ADGRG5: variants seen among roughly 807,000 people sequenced by gnomAD.
ADGRG5 encodes the protein G protein-coupled receptor 114.
ADGRG5 carries 37 observed loss-of-function variants against 53.2 expected under a neutral mutation model. The ratio of observed to expected loss-of-function variants is 0.70; its 90% CI spans 0.53 to 0.91. ADGRG5 has a LOEUF of 0.91. Ranked by LOEUF, ADGRG5 falls within the 40% of genes least tolerant of loss-of-function variation. The pLI, the probability that ADGRG5 is intolerant of heterozygous loss-of-function variation, is 0.00. For synonymous variants in ADGRG5, 277 were observed against 290.4 expected, an observed-to-expected ratio of 0.95 and a Z score of 0.47; for missense variants, 614 against 675.8, an observed-to-expected ratio of 0.91 and a Z score of 1.01.
the ADGRG5 span, among the ~76,000 whole-genome samples, chr16:57,533,579 G>A: frequency 1.4e-5 from 2 of 147,348 alleles, no homozygotes; most frequent in African/African-American, 5.1e-5. Context: ...CACAGCCCCA[G>A]TAACGCGCAC....
the ADGRG5 span, among the ~76,000 whole-genome samples, chr16:57,537,356 T>TG: frequency 6.6e-6 from 1 of 152,158 alleles, no homozygotes; most frequent in Non-Finnish European, 1.5e-5. Flanking sequence ...ACCAAGATGG[T>TG]GGGGAAAACC....
the ADGRG5 span, among the ~76,000 whole-genome samples, chr16:57,533,658 C>T: frequency 2.0e-5 from 3 of 151,560 alleles, no homozygotes; most frequent in Non-Finnish European, 1.5e-5. Flanking sequence ...ACACATGGCC[C>T]GAGGGACCTG....
At chr16:57,553,790 T>C (rs2032807668) in intron 1 of ADGRG5, among the ~76,000 whole-genome samples, 1 of 152,240 alleles carries the variant, frequency 6.6e-6, no homozygotes, top group African/African-American at 2.4e-5. Context: ...CCTTGTAATG[T>C]CTGTGGCTAG....
chr16:57,529,288 C>T, the ADGRG5 span: 2 of 1,118,584 alleles, frequency 1.8e-6, no homozygotes, highest in East Asian at 4.7e-5. The surrounding 1 kb of genome is among the most constrained non-coding windows in gnomAD (Gnocchi z 4.1). Flanking sequence ...TGCCCCGCTT[C>T]CCTCTGGGCC....
intron 1 of ADGRG5, among the ~76,000 whole-genome samples, chr16:57,552,029 T>TA (rs553013782): frequency 0.2 from 12,906 of 65,062 alleles, 730 homozygotes; most frequent in East Asian, 0.46. Context: ...GAAATAAATC[T>TA]TTTTTTTTTT....
chr16:57,539,454 C>CCTT (rs35929048), upstream of ADGRG5, among the ~76,000 whole-genome samples: 7,805 of 141,474 alleles, frequency 0.055, 354 homozygotes, highest in East Asian at 0.18. Flanking sequence ...CACTGTACCC[C>CCTT]TTTTTTTTTT....
At chr16:57,543,694 G>A (rs1043601420) in intron 1 of ADGRG5, among the ~76,000 whole-genome samples, 9 of 152,244 alleles carry the variant, frequency 5.9e-5, no homozygotes, top group South Asian at 2.1e-4. Flanking sequence ...GCGGAGAATG[G>A]CTGGCTCAGT....
the ADGRG5 span, among the ~76,000 whole-genome samples, chr16:57,529,926 T>C: frequency 6.6e-6 from 1 of 152,170 alleles, no homozygotes; most frequent in East Asian, 1.9e-4. This position sits in a 1 kb window ranked among gnomAD's most constrained non-coding sequence, Gnocchi z 4.1. Flanking sequence ...ATGATATTTG[T>C]GGAGGGCAGG....
Position 57,576,007 on chromosome 16 carries a change from G to A in ADGRG5, c.*469G>A, listed in dbSNP as rs1405226112. On this transcript the variant is annotated 3_prime_UTR_variant, in exon 12 of 12. Transcript: ENST00000349457. The stretch of plus-strand genomic sequence containing the variant: ...CCAGGGGGAAGAGTGTCAGCGTGGG[G>A]TGGGAATTCCCGCGGCCTCCACCTG... 6.4e-6 allele frequency: 1 copy of A among 156,308 alleles called. No individual in the cohort carries two copies. The highest frequency in any genetic ancestry group is 1.9e-4 in the East Asian group (1 of 5,382). The allele number at this position is 156,308 out of a possible 1,614,324, so 9.7% of individuals were successfully genotyped here.
chr16:57,570,703 T>C (rs865859807), intron 10 of ADGRG5, among the ~76,000 whole-genome samples, 168 bp downstream of exon 10: 7 of 152,200 alleles, frequency 4.6e-5, no homozygotes, highest in South Asian at 2.1e-4. Flanking sequence ...ATCCCTTCCA[T>C]GGATCCAGGT....
At chr16:57,571,381 C>G (rs2033352489) in intron 10 of ADGRG5, among the ~76,000 whole-genome samples, 1 of 152,064 alleles carries the variant, frequency 6.6e-6, no homozygotes, top group African/African-American at 2.4e-5. Context: ...AGTGGCAGAG[C>G]TGGGGCTTGG....
In ADGRG5 at chr16:57,576,690, C is replaced by T. The variant is rs1178466250; in HGVS notation, c.*1152C>T. The T allele has an allele frequency of 6.6e-6, 1 of 152,236 alleles. No individual in the cohort carries two copies. The highest frequency in any genetic ancestry group is 2.4e-5 in the African/African-American group (1 of 41,458). 9.4% of individuals were successfully genotyped at this position (152,236 alleles called of 1,614,324 possible). On this transcript the variant is annotated 3_prime_UTR_variant, in exon 12 of 12. Coordinates refer to ENST00000349457, the MANE Select transcript of ADGRG5 (RefSeq NM_001304376.3). ...GCAGGACTGCGCCTACTGAGTGACC[C>T]ATTTCCTCCAGGAGGAAAGGCAAGA...
At chr16:57,570,558 T>G (rs2033324315) in intron 10 of ADGRG5, 23 bp downstream of exon 10, 1 of 1,534,976 alleles carries the variant, frequency 6.5e-7, no homozygotes, top group Admixed American at 1.7e-5. Context: ...AGGGCTGCAG[T>G]GGGCTCCCTG....
chr16:57,531,121 A>G, the ADGRG5 span, among the ~76,000 whole-genome samples: 1 of 151,186 alleles, frequency 6.6e-6, no homozygotes, highest in Non-Finnish European at 1.5e-5. Context: ...CCCCAACTCC[A>G]AGTCCCTCTC....
At chr16:57,562,274 C>T in intron 2 of ADGRG5, 110 bp from the exon 3 acceptor site, 1 of 1,393,682 alleles carries the variant, frequency 7.2e-7, no homozygotes, top group South Asian at 1.2e-5. Context: ...TTCCTGGGGG[C>T]AGCAGGAGCT....
chr16:57,536,706 C>G, the ADGRG5 span: 1 of 152,204 alleles, frequency 6.6e-6, no homozygotes, highest in Non-Finnish European at 1.5e-5. Flanking sequence ...GCCCACCGAG[C>G]TGCTGGGGTG....
Position 57,570,505 on chromosome 16 carries a change from A to T in ADGRG5, c.1178A>T (p.Glu393Val). 17 of 1,613,394 alleles carry T rather than the reference A, an allele frequency of 1.1e-5. No individual in the cohort carries two copies. Among genetic ancestry groups the T allele is most frequent in the Non-Finnish European group, 1.4e-5 (17 of 1,179,810 alleles). ...PCTIPVFDSW[E>V]NGTGFQNMSI... Reference sequence around the variant, plus strand: ...ACAATCCCCGTCTTCGACAGCTGGGAGAATGGCACAGGCTTCCAGAACATG... The same window carrying T: ...ACAATCCCCGTCTTCGACAGCTGGGTGAATGGCACAGGCTTCCAGAACATG... The change falls in exon 10 of 12, where the codon GAG becomes GTG. Residue 393 changes from glutamate to valine, a missense_variant. Physicochemically the swap from Glu to Val is moderately radical, Grantham distance 121. Coordinates refer to ENST00000349457, the MANE Select transcript of ADGRG5 (RefSeq NM_001304376.3).
At chr16:57,543,866 A>G (rs1212297325) in intron 1 of ADGRG5, among the ~76,000 whole-genome samples, 1 of 152,192 alleles carries the variant, frequency 6.6e-6, no homozygotes, top group Non-Finnish European at 1.5e-5. Context: ...GGAGAGGATC[A>G]GGGAAATTGT....
the ADGRG5 span, among the ~76,000 whole-genome samples, chr16:57,531,330 C>T: frequency 6.6e-6 from 1 of 151,996 alleles, no homozygotes; most frequent in African/African-American, 2.4e-5. Flanking sequence ...TTTGAAGGCA[C>T]CCTGAAATCT....
Sources: allele counts gnomAD v4.1 joint callset (sites outside exome capture counted in the v4.1 genomes callset), GRCh38; gene constraint gnomAD v4.1.1; non-coding constraint Gnocchi (gnomAD v3.1); transcripts MANE v1.5; gene names NCBI Gene and HGNC (gene_info 2026-07-23, HGNC 2026-07-21).